The following TCN2 variants were observed in gnomAD, a reference collection of about 807,000 sequenced individuals.
TCN2 encodes the protein transcobalamin 2, also known as transcobalamin-2.
Under a neutral mutation model 48.6 loss-of-function variants are expected in TCN2, and 34 were observed. That is an observed-to-expected ratio of 0.70 (90% CI 0.53 to 0.93). TCN2 has a LOEUF of 0.93. TCN2 is among the 40% of genes least tolerant of loss of function. The probability of loss-of-function intolerance (pLI) is 0.00; values close to 1 mark genes in which losing one functional copy is unlikely to be tolerated. For missense variants in TCN2, 652 were observed against 526.1 expected (o/e 1.24, Z -2.34); for synonymous variants, 283 against 212.5 (o/e 1.33, Z -2.89).
intron 7 of TCN2, among the ~76,000 whole-genome samples, chr22:30,619,888 T>C (rs2087672183): frequency 6.6e-6 from 1 of 152,192 alleles, no homozygotes; most frequent in African/African-American, 2.4e-5. Flanking sequence ...AGCTGGTGGC[T>C]CACTCCTGTA....
chr22:30,613,201 C>T (rs74921339), intron 3 of TCN2, among the ~76,000 whole-genome samples, 159 bp downstream of exon 3: 2 of 152,288 alleles, frequency 1.3e-5, no homozygotes, highest in East Asian at 3.9e-4. Flanking sequence ...GAACCTGTCC[C>T]CATAGCCATC....
intron 8 of TCN2, among the ~76,000 whole-genome samples, chr22:30,625,888 G>A (rs966383148): frequency 6.6e-6 from 1 of 152,116 alleles, no homozygotes; most frequent in Non-Finnish European, 1.5e-5. Context: ...ACATTTTGGG[G>A]GGACACAGAC....
At chr22:30,614,619 A>C (rs1197679062) in intron 4 of TCN2, 118 bp downstream of exon 4, 1 of 1,458,188 alleles carries the variant, frequency 6.9e-7, no homozygotes. Flanking sequence ...CCTCCGAATC[A>C]AGTCCTTTAG....
chr22:30,625,978 C>T (rs138444937), intron 8 of TCN2, among the ~76,000 whole-genome samples: 3 of 152,298 alleles, frequency 2.0e-5, no homozygotes, highest in Non-Finnish European at 4.4e-5. Flanking sequence ...AGTTCCCCTG[C>T]AGGCTGCATT....
At chr22:30,618,944 A>G (rs1169106672) in intron 7 of TCN2, among the ~76,000 whole-genome samples, 2 of 151,812 alleles carry the variant, frequency 1.3e-5, no homozygotes, top group South Asian at 2.1e-4. Context: ...TAATGTTTAT[A>G]TTTTGAGTAG....
At chr22:30,613,124 T>G in intron 3 of TCN2, 82 bp downstream of exon 3, 12 of 1,556,346 alleles carry the variant, frequency 7.7e-6, no homozygotes, top group Non-Finnish European at 9.6e-6. Flanking sequence ...ATCAGAACTT[T>G]GGGTTTTCTC....
At chr22:30,612,743 T>G in intron 2 of TCN2, 130 bp from the exon 3 acceptor site, 3 of 1,137,934 alleles carry the variant, frequency 2.6e-6, no homozygotes, top group South Asian at 1.4e-5. Flanking sequence ...CACACCTCCT[T>G]TTGGAGCTTT....
chr22:30,623,389 G>A (rs1293670712), intron 8 of TCN2: 1 of 307,246 alleles, frequency 3.3e-6, no homozygotes, highest in Non-Finnish European at 6.3e-6. Flanking sequence ...TTTCGCTCTT[G>A]TTGCCCAGGC....
Position 30,612,994 on chromosome 22 carries a change from C to G in TCN2, c.379C>G (p.Leu127Val). The G allele has an allele frequency of 6.2e-7, 1 of 1,614,220 alleles. No homozygotes were observed. The highest frequency in any genetic ancestry group is 8.5e-7 in the Non-Finnish European group (1 of 1,180,046). ...EFVRGHKGDR[L>V]VSQLKWFLED... is the part of the protein sequence containing the mutation. ...TGTCAGGGGCCACAAGGGGGACAGG[C>G]TGGTCTCACAGCTCAAATGGTTCCT... Residue 127 changes from leucine to valine, a missense_variant, in exon 3 of 9, where the codon CTG becomes GTG. Transcript: ENST00000215838.
intron 8 of TCN2, 102 bp downstream of exon 8, chr22:30,623,185 C>A: frequency 1.8e-6 from 2 of 1,098,632 alleles, no homozygotes; most frequent in Non-Finnish European, 2.7e-6. Flanking sequence ...CCCTCCTGGG[C>A]CACACCTTCA....
At chr22:30,620,256 A>G (rs1331297601) in intron 7 of TCN2, among the ~76,000 whole-genome samples, 3 of 152,226 alleles carry the variant, frequency 2.0e-5, no homozygotes, top group Non-Finnish European at 4.4e-5. Flanking sequence ...GTTCAAAACC[A>G]GCCGGGCCAA....
chr22:30,612,245 T>TAAA (rs34767507), intron 2 of TCN2, among the ~76,000 whole-genome samples: 8 of 142,832 alleles, frequency 5.6e-5, no homozygotes, highest in Non-Finnish European at 7.7e-5. Context: ...CCTATCTCAG[T>TAAA]AAAAAAAAAA....
At chr22:30,607,792 C>A (rs911302371) in intron 1 of TCN2, among the ~76,000 whole-genome samples, 6 of 151,906 alleles carry the variant, frequency 3.9e-5, no homozygotes, top group Non-Finnish European at 8.8e-5. Context: ...AAGGCTGAGG[C>A]GGGAGGGGAG....
At chr22:30,622,363 A>T (rs1279217343) in intron 7 of TCN2, among the ~76,000 whole-genome samples, 1 of 152,232 alleles carries the variant, frequency 6.6e-6, no homozygotes, top group Non-Finnish European at 1.5e-5. Context: ...GTTGAAGGCC[A>T]GAAGCTCAGG....
At chr22:30,623,795 TAC>T (rs1267479189) in intron 8 of TCN2, among the ~76,000 whole-genome samples, 772 of 3,664 alleles carry the variant, frequency 0.21, 1 homozygote, top group Admixed American at 0.31. Flanking sequence ...TATACATATA[TAC>T]ACACATACAC....
In TCN2 at chr22:30,615,659, G is replaced by C. The variant is rs2087602688; in HGVS notation, c.812G>C (p.Arg271Thr). 6.2e-7 allele frequency: 1 copy of C among 1,614,200 alleles called. No individual in the cohort carries two copies. Among genetic ancestry groups the C allele is most frequent in the Non-Finnish European group, 8.5e-7 (1 of 1,180,036 alleles). Reference protein sequence around the residue: ...AELGTACLKARVALLASLQDG... With the variant: ...AELGTACLKATVALLASLQDG... ...CTGGGAACAGCATGTCTCAAGGCGA[G>C]GGTTGCTTTGCTGGCCAGTCTGCAG... Residue 271 changes from arginine (R) to threonine (T), a missense_variant, in exon 6 of 9, where the codon AGG (arginine) becomes ACG (threonine). Physicochemically the swap from Arg to Thr is moderately conservative, Grantham distance 71. Coordinates refer to ENST00000215838, the MANE Select transcript of TCN2 (RefSeq NM_000355.4).
chr22:30,618,085 A>G (rs1055272095), intron 7 of TCN2, among the ~76,000 whole-genome samples: 5 of 149,800 alleles, frequency 3.3e-5, no homozygotes, highest in Admixed American at 1.3e-4. Flanking sequence ...AGCTGAGACT[A>G]TAGGCACGTG....
Position 30,616,594 on chromosome 22 carries a change from A to G in TCN2, c.941-736A>G, listed in dbSNP as rs148023308. 7.6e-3 allele frequency among the ~76,000 whole-genome samples: 1,157 copies of G among 152,040 alleles called. 19 individuals are homozygous for G. Among genetic ancestry groups the G allele is most frequent in the African/African-American group, 0.026 (1,098 of 41,444 alleles). On this transcript the variant is annotated intron_variant, in intron 6 of 8. Transcript: ENST00000215838. ...GGCAGATGGATTGCCTGAGCCCAGG[A>G]GTTTGAGACCAGCCTGGGCAACATG... is the stretch of plus-strand genomic sequence containing the variant.
At chr22:30,608,649 C>G (rs1310572363) in intron 1 of TCN2, among the ~76,000 whole-genome samples, 1 of 151,966 alleles carries the variant, frequency 6.6e-6, no homozygotes, top group Non-Finnish European at 1.5e-5. Context: ...GTCGGCCTCC[C>G]AAATTGCTGA....
Sources: gnomAD v4.1 joint callset for allele counts (sites outside exome capture counted in the v4.1 genomes callset) on GRCh38, gnomAD v4.1.1 for gene constraint, MANE v1.5 for transcripts, NCBI Gene and HGNC (gene_info 2026-07-23, HGNC 2026-07-21) for gene names.